The following LHFPL5 variants were observed in gnomAD, a reference collection of about 807,000 sequenced individuals.
LHFPL5 encodes LHFPL tetraspan subfamily member 5, also known as LHFPL tetraspan subfamily member 5 protein.
A neutral mutation model predicts 18.7 loss-of-function variants in LHFPL5; 12 were observed. The ratio of observed to expected loss-of-function variants is 0.64; its 90% CI spans 0.41 to 1.04. The LOEUF is 1.04. Ranked by LOEUF, LHFPL5 falls within the 50% of genes least tolerant of loss-of-function variation. The probability of loss-of-function intolerance (pLI) is 0.00; values close to 1 mark genes in which losing one functional copy is unlikely to be tolerated. For missense variants in LHFPL5, 259 were observed against 292.1 expected (o/e 0.89, Z 0.83); for synonymous variants, 111 against 120.2 (o/e 0.92, Z 0.50).
chr6:35,811,001 C>G (rs538225588), intron 1 of LHFPL5, among the ~76,000 whole-genome samples: 1 of 152,248 alleles, frequency 6.6e-6, no homozygotes, highest in Admixed American at 6.5e-5. Flanking sequence ...GGGCTCCGCT[C>G]TCACTGTTGT....
At chr6:35,812,849 G>T (rs945000115) in intron 1 of LHFPL5, among the ~76,000 whole-genome samples, 31 of 152,160 alleles carry the variant, frequency 2.0e-4, no homozygotes, top group African/African-American at 7.0e-4. Flanking sequence ...GAACCCAGGA[G>T]TTCAAGACCA....
chr6:35,819,103 G>A (rs1561956009), intron 2 of LHFPL5, among the ~76,000 whole-genome samples: 1 of 152,154 alleles, frequency 6.6e-6, no homozygotes, highest in Non-Finnish European at 1.5e-5. Context: ...AAAGTGCTGG[G>A]ATTATGGGTG....
At chr6:35,816,047 T>C (rs1379150462) in intron 2 of LHFPL5, among the ~76,000 whole-genome samples, 1 of 151,968 alleles carries the variant, frequency 6.6e-6, no homozygotes, top group African/African-American at 2.4e-5. Context: ...GGCGGGCGCC[T>C]GTAGTCCCAG....
chr6:35,806,293 C>T (rs192695070), intron 1 of LHFPL5, among the ~76,000 whole-genome samples: 2 of 152,124 alleles, frequency 1.3e-5, no homozygotes, highest in Non-Finnish European at 2.9e-5. Flanking sequence ...GCTGTCCAAC[C>T]CTCTCATCCT....
chr6:35,806,635 T>A (rs1055090251), intron 1 of LHFPL5, among the ~76,000 whole-genome samples: 1 of 152,200 alleles, frequency 6.6e-6, no homozygotes, highest in Non-Finnish European at 1.5e-5. Context: ...TAAGGTCTCT[T>A]GCTGATTTTG....
chr6:35,823,340 C>G lies in LHFPL5; in HGVS notation c.*375C>G, dbSNP rs1365128290. ...GGCTAAATGGGTCCATCTCTAGGGG[C>G]CTTCCCTCCCAGGTCTGTGTCTGAT... On this transcript the variant is annotated 3_prime_UTR_variant, in exon 4 of 4. Coordinates refer to ENST00000360215, the MANE Select transcript of LHFPL5 (RefSeq NM_182548.4). 6.6e-6 allele frequency: 1 copy of G among 150,798 alleles called. No individual in the cohort carries two copies. The allele number at this position is 150,798 out of a possible 1,614,324, so 9.3% of individuals were successfully genotyped here.
At chr6:35,820,178 A>G (rs1472604740) in intron 3 of LHFPL5, among the ~76,000 whole-genome samples, 8 of 152,200 alleles carry the variant, frequency 5.3e-5, no homozygotes, top group Admixed American at 2.6e-4. Flanking sequence ...ATAGAAAATA[A>G]AAGTCATAGA....
Position 35,819,480 on chromosome 6 carries a change from G to A in LHFPL5, c.*16+17G>A, listed in dbSNP as rs775967950. On this transcript the variant is annotated intron_variant, in intron 3 of 3. Coordinates refer to ENST00000360215, the MANE Select transcript of LHFPL5 (RefSeq NM_182548.4). ...GAAGGGTCGGTGAGTAATTCTATGGGAGGGTGGTCTGCGTGCCCTTAGAAA... is the reference window on the plus strand; with the variant it reads ...GAAGGGTCGGTGAGTAATTCTATGGAAGGGTGGTCTGCGTGCCCTTAGAAA... 15 of 1,613,068 alleles carry A rather than the reference G, an allele frequency of 9.3e-6. No individual in the cohort carries two copies. Among genetic ancestry groups the A allele is most frequent in the Non-Finnish European group, 1.2e-5 (14 of 1,179,314 alleles).
chr6:35,805,928 CT>C lies in LHFPL5; in HGVS notation c.259del (p.Ser87ProfsTer55), dbSNP rs1019121665. The C allele has an allele frequency of 1.9e-6, 3 of 1,614,142 alleles. No homozygotes were observed. Among genetic ancestry groups the C allele is most frequent in the Non-Finnish European group, 2.5e-6 (3 of 1,180,054 alleles). ...LICKGGPLDF[S>X]SIPSRAFKTA... ...TCTGCAAGGGCGGCCCCCTAGACTT[CT>C]CCTCCATCCCCTCTAGAGCCTTCAA... On this transcript the variant is annotated frameshift_variant, in exon 1 of 4. Transcript: ENST00000360215. LOFTEE classifies it high-confidence loss of function. This position sits in a 1 kb window ranked among gnomAD's most constrained non-coding sequence, Gnocchi z 4.3.
rs1386581738 is a variant in LHFPL5, at chr6:35,823,925, C to T, written c.*960C>T. On this transcript the variant is annotated 3_prime_UTR_variant, in exon 4 of 4. Transcript: ENST00000360215. The stretch of plus-strand genomic sequence containing the variant: ...TATAGGGGGATTGGTTCCAGGATCC[C>T]CTGCAGATGCCAAAATACATGGATG... The T allele has an allele frequency of 6.6e-6, 1 of 151,938 alleles. No individual in the cohort carries two copies. The highest frequency in any genetic ancestry group is 1.5e-5 in the Non-Finnish European group (1 of 67,994). 9.4% of individuals were successfully genotyped at this position (151,938 alleles called of 1,614,324 possible).
intron 1 of LHFPL5, among the ~76,000 whole-genome samples, chr6:35,810,240 C>T (rs541263431): frequency 2.0e-4 from 31 of 152,292 alleles, no homozygotes; most frequent in Middle Eastern, 6.8e-3. Context: ...GCCCCACCTC[C>T]TAACACCATC....
rs879493 is a variant in LHFPL5 at position 35,819,640 on chromosome 6, C to T, written c.*16+177C>T. 247,369 of 654,634 alleles carry T rather than the reference C, an allele frequency of 0.38. 48,798 individuals are homozygous for T. Among genetic ancestry groups the T allele is most frequent in the African/African-American group, 0.51 (27,866 of 54,766 alleles). 40.6% of individuals were successfully genotyped at this position (654,634 alleles called of 1,614,324 possible). On this transcript the variant is annotated intron_variant, in intron 3 of 3. Coordinates refer to ENST00000360215, the MANE Select transcript of LHFPL5 (RefSeq NM_182548.4). ...CAGGAGCTATTTGGCCTCTGAGACCCTCACTGGGGAGCAAACAGGAAGCCT... is the reference window on the plus strand; with the variant it reads ...CAGGAGCTATTTGGCCTCTGAGACCTTCACTGGGGAGCAAACAGGAAGCCT...
rs1768560126 is a variant in LHFPL5 at position 35,805,873 on chromosome 6, G to A, written c.203G>A (p.Cys68Tyr). 1.2e-6 allele frequency: 2 copies of A among 1,614,224 alleles called. No individual in the cohort carries two copies. Among genetic ancestry groups the A allele is most frequent in the Non-Finnish European group, 1.7e-6 (2 of 1,180,042 alleles). Residue 68 changes from cysteine (C) to tyrosine (Y), a missense_variant, in exon 1 of 4, where the codon TGC (cysteine) becomes TAC (tyrosine). Cys to Tyr is a radical substitution (Grantham distance 194, BLOSUM62 -2). Coordinates refer to ENST00000360215, the MANE Select transcript of LHFPL5 (RefSeq NM_182548.4). The surrounding 1 kb of genome is among the most constrained non-coding windows in gnomAD (Gnocchi z 4.3). ...QAGYFGLFSYCVGNVLSSELI... is the reference protein window; with the variant it reads ...QAGYFGLFSYYVGNVLSSELI... ...GGCTACTTCGGCCTTTTCTCCTACT[G>A]CGTGGGTAACGTGCTGTCCTCCGAG...
rs944780953 is a variant in LHFPL5, at chr6:35,814,470, A to C, written c.413-76A>C. The C allele has an allele frequency of 8.1e-6, 9 of 1,111,214 alleles. No individual in the cohort carries two copies. The highest frequency in any genetic ancestry group is 1.1e-5 in the Non-Finnish European group (8 of 721,994). 68.8% of individuals were successfully genotyped at this position (1,111,214 alleles called of 1,614,324 possible). A position where few individuals can be genotyped will look rare whatever the true frequency, so the allele number is the denominator to read the frequency against. On this transcript the variant is annotated intron_variant, in intron 1 of 3. Coordinates refer to ENST00000360215, the MANE Select transcript of LHFPL5 (RefSeq NM_182548.4). This position sits in a 1 kb window ranked among gnomAD's most constrained non-coding sequence, Gnocchi z 4.2. ...AGGAGAAGGGAGGTGACAACATAAC[A>C]GCAGTGCAAGGTGTGGGAGGTAGCG...
chr6:35,807,475 C>T (rs1768590433), intron 1 of LHFPL5, among the ~76,000 whole-genome samples: 3 of 152,112 alleles, frequency 2.0e-5, no homozygotes, highest in Admixed American at 2.0e-4. Flanking sequence ...GGTCCCTGCA[C>T]ACCTCAGGGG....
intron 1 of LHFPL5, among the ~76,000 whole-genome samples, chr6:35,811,937 G>T (rs1439892866): frequency 6.6e-6 from 1 of 152,172 alleles, no homozygotes; most frequent in South Asian, 2.1e-4. Flanking sequence ...GGGGTGGAGG[G>T]AATAAACTTT....
chr6:35,806,361 G>A (rs1768569055), intron 1 of LHFPL5, among the ~76,000 whole-genome samples: 1 of 152,114 alleles, frequency 6.6e-6, no homozygotes, highest in Non-Finnish European at 1.5e-5. Flanking sequence ...TCTGTAAGGG[G>A]AAGTGACTTG....
At chr6:35,807,175 T>C (rs1208737358) in intron 1 of LHFPL5, among the ~76,000 whole-genome samples, 1 of 152,076 alleles carries the variant, frequency 6.6e-6, no homozygotes, top group African/African-American at 2.4e-5. Context: ...GGCTCACACC[T>C]GTAATCCCAG....
intron 1 of LHFPL5, 30 bp downstream of exon 1, chr6:35,806,112 G>A: frequency 6.2e-7 from 1 of 1,609,468 alleles, no homozygotes; most frequent in Non-Finnish European, 8.5e-7. Context: ...GGGCAGGCAG[G>A]GGCCCACCCC....
Sources: allele counts gnomAD v4.1 joint callset (sites outside exome capture counted in the v4.1 genomes callset), GRCh38; gene constraint gnomAD v4.1.1; non-coding constraint Gnocchi (gnomAD v3.1); transcripts MANE v1.5; gene names NCBI Gene and HGNC (gene_info 2026-07-23, HGNC 2026-07-21).